JPH2: variants seen among roughly 807,000 people sequenced by gnomAD.
JPH2 encodes junctophilin 2.
In JPH2, 38 loss-of-function variants were observed where a neutral mutation model predicts 55.9. That is an observed-to-expected ratio of 0.68 (90% CI 0.52 to 0.89). JPH2 has a LOEUF of 0.89. Ranked by LOEUF, JPH2 falls within the 40% of genes least tolerant of loss-of-function variation. The pLI, the probability that JPH2 is intolerant of heterozygous loss-of-function variation, is 0.00. For synonymous variants in JPH2, 480 were observed against 472.4 expected, an observed-to-expected ratio of 1.02 and a Z score of -0.21; for missense variants, 964 against 1,037.6, an observed-to-expected ratio of 0.93 and a Z score of 0.97.
At chr20:44,178,318 G>A (rs2072752365) in intron 1 of JPH2, among the ~76,000 whole-genome samples, 2 of 152,036 alleles carry the variant, frequency 1.3e-5, no homozygotes, top group African/African-American at 4.8e-5. Flanking sequence ...GTGAACAATT[G>A]AAAAAATAAA....
At chr20:44,179,269 G>A (rs738498) in intron 1 of JPH2, among the ~76,000 whole-genome samples, 54,234 of 151,946 alleles carry the variant, frequency 0.36, 10,428 homozygotes, top group Admixed American at 0.52. Context: ...GTTCCATGAC[G>A]GTTTGTTTCA....
At position 44,115,977 on chromosome 20, in the gene JPH2, G is replaced by A. The variant is rs1259314648; in HGVS notation, c.1698C>T (p.Tyr566=). The A allele has an allele frequency of 6.3e-7, 1 of 1,577,680 alleles. No homozygotes were observed. Among genetic ancestry groups the A allele is most frequent in the Non-Finnish European group, 8.5e-7 (1 of 1,169,636 alleles). The part of the protein sequence containing the change: ...REPEVALYQG[Y]HSYAVRTTPP... ...GCGTGGTGCGCACAGCATAGCTGTG[G>A]TAGCCCTGGTAAAGCGCCACCTCCG... The change falls in exon 4 of 6, where the codon TAC becomes TAT. Residue 566 remains tyrosine, a synonymous_variant. Coordinates refer to ENST00000372980, the MANE Select transcript of JPH2 (RefSeq NM_020433.5).
At position 44,160,339 on chromosome 20, in the gene JPH2, C is replaced by G. The variant is rs1231304653; in HGVS notation, c.448G>C (p.Gly150Arg). The part of the protein sequence containing the change: ...GYGVRQSVPY[G>R]MAVVVRSPLR... ...GGCGAGCGCACCACCACGGCCATCC[C>G]GTAGGGCACGCTCTGGCGTACTCCG... Residue 150 changes from glycine (G) to arginine (R), a missense_variant, in exon 2 of 6, where the codon GGG (glycine) becomes CGG (arginine). Physicochemically the swap from Gly to Arg is moderately radical, Grantham distance 125. Coordinates refer to ENST00000372980, the MANE Select transcript of JPH2 (RefSeq NM_020433.5). The surrounding 1 kb of genome is among the most constrained non-coding windows in gnomAD (Gnocchi z 4.9). The G allele has an allele frequency of 6.3e-7, 1 of 1,584,354 alleles. No individual in the cohort carries two copies. The highest frequency in any genetic ancestry group is 8.6e-7 in the Non-Finnish European group (1 of 1,165,854).
rs6031443 is a variant in JPH2 at position 44,187,084 on chromosome 20, C to G, written c.-379G>C. ...AGGGTGGGGTGGAGGGGTCCCCAGC[C>G]TTTTCAAAGAGGGGAAATTCCCCTC... is the stretch of plus-strand genomic sequence containing the variant. On this transcript the variant is annotated 5_prime_UTR_variant, in exon 1 of 6. Coordinates refer to ENST00000372980, the MANE Select transcript of JPH2 (RefSeq NM_020433.5). 4.6e-6 allele frequency: 1 copy of G among 216,106 alleles called. No individual in the cohort carries two copies. The highest frequency in any genetic ancestry group is 2.3e-5 in the African/African-American group (1 of 43,620). The allele number at this position is 216,106 out of a possible 1,614,324, so 13.4% of individuals were successfully genotyped here. A position where few individuals can be genotyped will look rare whatever the true frequency, so the allele number is the denominator to read the frequency against.
intron 2 of JPH2, among the ~76,000 whole-genome samples, chr20:44,149,888 G>C (rs2072519068): frequency 6.7e-6 from 1 of 148,882 alleles, no homozygotes; most frequent in Non-Finnish European, 1.5e-5. Flanking sequence ...TGAGGCATGA[G>C]AATTGTTTGA....
chr20:44,154,418 C>A (rs1230503788), intron 2 of JPH2, among the ~76,000 whole-genome samples: 1 of 152,214 alleles, frequency 6.6e-6, no homozygotes, highest in Non-Finnish European at 1.5e-5. Flanking sequence ...ACATTTACAG[C>A]GCATCTCCAT....
intron 1 of JPH2, among the ~76,000 whole-genome samples, chr20:44,165,684 A>T (rs2072651544): frequency 6.6e-6 from 1 of 151,668 alleles, no homozygotes; most frequent in African/African-American, 2.4e-5. Flanking sequence ...CCTTTCCCTC[A>T]CTGCACTCTA....
At chr20:44,134,539 A>T (rs1366546770) in intron 2 of JPH2, among the ~76,000 whole-genome samples, 4 of 40,056 alleles carry the variant, frequency 1.0e-4, no homozygotes, top group East Asian at 8.3e-4. Flanking sequence ...TATATAAATA[A>T]ATATATATTT....
At chr20:44,169,058 A>G (rs1238095400) in intron 1 of JPH2, among the ~76,000 whole-genome samples, 1 of 152,080 alleles carries the variant, frequency 6.6e-6, no homozygotes, top group African/African-American at 2.4e-5. Flanking sequence ...TTCTGCCATG[A>G]GTGGAAGCAG....
intron 1 of JPH2, among the ~76,000 whole-genome samples, chr20:44,162,787 T>TATATATAC (rs1311653754): frequency 4.9e-5 from 2 of 41,006 alleles, no homozygotes; most frequent in Non-Finnish European, 8.3e-5. Context: ...TATATATATA[T>TATATATAC]ACACACACAC....
chr20:44,140,602 C>G (rs111729482), intron 2 of JPH2, among the ~76,000 whole-genome samples: 1 of 152,076 alleles, frequency 6.6e-6, no homozygotes, highest in Non-Finnish European at 1.5e-5. Flanking sequence ...GCTCTGAAAA[C>G]GCATTCCCAC....
chr20:44,163,351 A>T lies in JPH2; in HGVS notation c.380-2944T>A, dbSNP rs2072629544. The stretch of plus-strand genomic sequence containing the variant: ...TGGGTGAAGAGCTCTCCAAGGCTTG[A>T]TCTAACTCTGAGATGCTGAGCTTCT... On this transcript the variant is annotated intron_variant, in intron 1 of 5. Transcript: ENST00000372980. Among the ~76,000 whole-genome samples the T allele has an allele frequency of 2.6e-5, 4 of 152,164 alleles. No individual in the cohort carries two copies. In the South Asian group the frequency reaches 8.3e-4, roughly 32 times the overall value.
At chr20:44,185,207 C>T (rs2072823147) in intron 1 of JPH2, among the ~76,000 whole-genome samples, 1 of 152,022 alleles carries the variant, frequency 6.6e-6, no homozygotes, top group Admixed American at 6.6e-5. Flanking sequence ...CTCAGGAGGC[C>T]AAGATGGGAG....
chr20:44,149,846 C>A (rs559559936), intron 2 of JPH2, among the ~76,000 whole-genome samples: 1 of 151,584 alleles, frequency 6.6e-6, no homozygotes, highest in Non-Finnish European at 1.5e-5. Flanking sequence ...GGAGTGGCGG[C>A]GCATGCCTGT....
intron 1 of JPH2, among the ~76,000 whole-genome samples, chr20:44,173,742 T>C (rs2072714120): frequency 6.6e-6 from 1 of 152,108 alleles, no homozygotes; most frequent in Admixed American, 6.5e-5. Flanking sequence ...GGCAAAATCC[T>C]GTCTCTACTA....
intron 1 of JPH2, among the ~76,000 whole-genome samples, chr20:44,162,048 C>G (rs1451932964): frequency 6.6e-6 from 1 of 152,232 alleles, no homozygotes; most frequent in Non-Finnish European, 1.5e-5. Context: ...AAAGGCAGTT[C>G]TCTGCCTTCG....
intron 2 of JPH2, among the ~76,000 whole-genome samples, chr20:44,124,303 C>T (rs7265031): frequency 0.097 from 14,716 of 151,966 alleles, 802 homozygotes; most frequent in African/African-American, 0.14. Context: ...AAAGGGGGAC[C>T]CTCACCGGAC....
chr20:44,160,152 G>A lies in JPH2; in HGVS notation c.635C>T (p.Ala212Val). 1 of 1,431,858 alleles carries A rather than the reference G, an allele frequency of 7.0e-7. No homozygotes were observed. Among genetic ancestry groups the A allele is most frequent in the Non-Finnish European group, 9.1e-7 (1 of 1,101,960 alleles). The allele number at this position is 1,431,858 out of a possible 1,614,324, so 88.7% of individuals were successfully genotyped here. ...LSLLANAEAA[A>V]RAPKGGGLFQ... ...GAGGCCGCCGCCCTTGGGCGCCCGC[G>A]CGGCCGCCTCGGCATTGGCCAGGAG... Residue 212 changes from alanine to valine, a missense_variant, in exon 2 of 6, where the codon GCG becomes GTG. Physicochemically the swap from Ala to Val is moderately conservative, Grantham distance 64 (BLOSUM62 0). Coordinates refer to ENST00000372980, the MANE Select transcript of JPH2 (RefSeq NM_020433.5). This position sits in a 1 kb window ranked among gnomAD's most constrained non-coding sequence, Gnocchi z 4.9.
chr20:44,180,086 C>T lies in JPH2; in HGVS notation c.379+6241G>A, dbSNP rs117133700. 3.8e-3 allele frequency among the ~76,000 whole-genome samples: 583 copies of T among 152,284 alleles called. 31 individuals carry two copies. The East Asian group carries it at 0.099, about 26-fold the overall frequency. ...ACAAAAAGTTAGCTGGGCATGGTGGCACATGCCTGTAGTCACAGCTACTGA... is the reference window on the plus strand; with the variant it reads ...ACAAAAAGTTAGCTGGGCATGGTGGTACATGCCTGTAGTCACAGCTACTGA... On this transcript the variant is annotated intron_variant, in intron 1 of 5. Transcript: ENST00000372980.
Sources: allele counts gnomAD v4.1 joint callset (sites outside exome capture counted in the v4.1 genomes callset), GRCh38; gene constraint gnomAD v4.1.1; non-coding constraint Gnocchi (gnomAD v3.1); transcripts MANE v1.5; gene names NCBI Gene and HGNC (gene_info 2026-07-23, HGNC 2026-07-21).